The following CA10 variants were observed in gnomAD, a reference collection of about 807,000 sequenced individuals.
CA10 encodes the protein carbonic anhydrase-related protein 10.
A neutral mutation model predicts 44.2 loss-of-function variants in CA10; 14 were observed. That is an observed-to-expected ratio of 0.32 (90% CI 0.21 to 0.50). CA10 has a LOEUF of 0.50. Among genes scored for constraint, CA10 ranks in the 20% least tolerant of loss-of-function variants. The pLI is 0.99. For missense variants in CA10, 350 were observed against 409.7 expected (o/e 0.85, Z 1.26); for synonymous variants, 159 against 141.6 (o/e 1.12, Z -0.87).
intron 3 of CA10, among the ~76,000 whole-genome samples, chr17:51,897,504 C>T (rs1377449156): frequency 6.6e-6 from 1 of 152,062 alleles, no homozygotes; most frequent in Non-Finnish European, 1.5e-5. Flanking sequence ...AATGTAATGC[C>T]TGCAGCTTTG....
chr17:51,687,708 T>C (rs1400686315), intron 4 of CA10, among the ~76,000 whole-genome samples: 1 of 152,234 alleles, frequency 6.6e-6, no homozygotes, highest in Non-Finnish European at 1.5e-5. Flanking sequence ...TATTTACTTA[T>C]TGCTTTTTTG....
At chr17:51,906,592 T>C (rs1217612380) in intron 3 of CA10, among the ~76,000 whole-genome samples, 1 of 152,172 alleles carries the variant, frequency 6.6e-6, no homozygotes, top group Non-Finnish European at 1.5e-5. Context: ...TTATATGCCA[T>C]GGACCAACAA....
intron 2 of CA10, among the ~76,000 whole-genome samples, chr17:52,024,499 G>A (rs1986239097): frequency 6.6e-6 from 1 of 151,338 alleles, no homozygotes; most frequent in Non-Finnish European, 1.5e-5. Flanking sequence ...ACAAGCTGGA[G>A]TCAGTGGGGG....
chr17:52,139,986 C>T (rs1359390958), intron 1 of CA10, among the ~76,000 whole-genome samples: 3 of 152,120 alleles, frequency 2.0e-5, no homozygotes, highest in Non-Finnish European at 4.4e-5. Context: ...CCACCACCTT[C>T]TCTCAACACG....
At chr17:51,702,170 G>T (rs1321790673) in intron 4 of CA10, among the ~76,000 whole-genome samples, 1 of 152,158 alleles carries the variant, frequency 6.6e-6, no homozygotes, top group Non-Finnish European at 1.5e-5. Flanking sequence ...GCCAGGCATT[G>T]TGAGTTTCCT....
intron 6 of CA10, among the ~76,000 whole-genome samples, chr17:51,643,956 A>C (rs886817551): frequency 3.3e-5 from 5 of 152,186 alleles, no homozygotes; most frequent in Admixed American, 2.6e-4. Context: ...AAAGTCAGGC[A>C]ACAAAAGGAA....
intron 3 of CA10, among the ~76,000 whole-genome samples, chr17:51,803,804 G>A (rs1019228002): frequency 5.9e-5 from 9 of 152,216 alleles, no homozygotes; most frequent in African/African-American, 1.2e-4. Flanking sequence ...GAACCTGTAA[G>A]TTACTGAGCT....
At chr17:51,985,738 A>G (rs916546095) in intron 2 of CA10, among the ~76,000 whole-genome samples, 1 of 152,020 alleles carries the variant, frequency 6.6e-6, no homozygotes, top group Non-Finnish European at 1.5e-5. Flanking sequence ...CAAATCAAGA[A>G]CTCAACCCCT....
intron 3 of CA10, among the ~76,000 whole-genome samples, chr17:51,870,749 G>A (rs1044581619): frequency 6.6e-6 from 1 of 152,182 alleles, no homozygotes; most frequent in Non-Finnish European, 1.5e-5. Flanking sequence ...TCTGATCAAT[G>A]GCTTTGCCAA....
intron 3 of CA10, among the ~76,000 whole-genome samples, chr17:51,778,998 C>T (rs1439848958): frequency 6.6e-6 from 1 of 152,170 alleles, no homozygotes; most frequent in Non-Finnish European, 1.5e-5. Context: ...ATTTTATCTA[C>T]AGCAAGATCA....
At chr17:51,831,578 C>T (rs931804052) in intron 3 of CA10, among the ~76,000 whole-genome samples, 1 of 152,052 alleles carries the variant, frequency 6.6e-6, no homozygotes, top group African/African-American at 2.4e-5. Flanking sequence ...CCAAGTAGCA[C>T]ATCTTTTCAA....
intron 1 of CA10, among the ~76,000 whole-genome samples, chr17:52,151,749 A>G (rs780559837): frequency 6.6e-6 from 1 of 152,156 alleles, no homozygotes; most frequent in Non-Finnish European, 1.5e-5. Flanking sequence ...TGAATGATTA[A>G]TACATGTCAG....
intron 3 of CA10, among the ~76,000 whole-genome samples, chr17:51,892,520 T>C (rs1404487537): frequency 1.3e-5 from 2 of 152,284 alleles, no homozygotes; most frequent in East Asian, 3.9e-4. Context: ...TCACATAAAT[T>C]CTCTGGCTTT....
intron 4 of CA10, among the ~76,000 whole-genome samples, chr17:51,739,253 C>A (rs1277038558): frequency 1.3e-5 from 2 of 151,908 alleles, no homozygotes; most frequent in African/African-American, 4.8e-5. Context: ...AGCTAGTTCA[C>A]GGAAATGTTG....
intron 1 of CA10, among the ~76,000 whole-genome samples, chr17:52,106,914 G>A (rs1988673620): frequency 6.6e-6 from 1 of 152,078 alleles, no homozygotes; most frequent in Non-Finnish European, 1.5e-5. Context: ...AGAAAGTATT[G>A]GCCTTTTCAA....
intron 7 of CA10, among the ~76,000 whole-genome samples, 182 bp downstream of exon 7, chr17:51,635,673 G>A (rs1912794312): frequency 6.6e-6 from 1 of 152,208 alleles, no homozygotes; most frequent in African/African-American, 2.4e-5. Context: ...CTGACACCTT[G>A]ATCTTGGACT....
chr17:52,116,542 TG>T (rs1988901718), intron 1 of CA10, among the ~76,000 whole-genome samples: 1 of 152,172 alleles, frequency 6.6e-6, no homozygotes, highest in Non-Finnish European at 1.5e-5. Flanking sequence ...GGCAGCACCC[TG>T]TCATGGCCAC....
chr17:52,116,433 A>G (rs1988898590), intron 1 of CA10, among the ~76,000 whole-genome samples: 1 of 152,166 alleles, frequency 6.6e-6, no homozygotes, highest in Non-Finnish European at 1.5e-5. Context: ...CTTGAAGGCT[A>G]CTGACAGCAG....
At chr17:51,774,846 T>C (rs1464108503) in intron 3 of CA10, among the ~76,000 whole-genome samples, 1 of 152,180 alleles carries the variant, frequency 6.6e-6, no homozygotes, top group Non-Finnish European at 1.5e-5. Flanking sequence ...GAAAGCAGGA[T>C]GCCAGCCAGC....
Sources: gnomAD v4.1 joint callset for allele counts (sites outside exome capture counted in the v4.1 genomes callset) on GRCh38, gnomAD v4.1.1 for gene constraint, MANE v1.5 for transcripts, NCBI Gene and HGNC (gene_info 2026-07-23, HGNC 2026-07-21) for gene names.